The following MTUS2 variants were observed in gnomAD, a reference collection of about 807,000 sequenced individuals.
MTUS2 encodes the protein microtubule associated scaffold protein 2, also known as microtubule-associated tumor suppressor candidate 2.
In MTUS2, 40 loss-of-function variants were observed where a neutral mutation model predicts 114.1. The ratio of observed to expected loss-of-function variants is 0.35; its 90% CI spans 0.27 to 0.46. The LOEUF is 0.46. Ranked by LOEUF, MTUS2 falls within the 20% of genes least tolerant of loss-of-function variation. The pLI is 1.00. For synonymous variants in MTUS2, 688 were observed against 672.0 expected (o/e 1.02, Z -0.37); for missense variants, 1,679 against 1,705.4 (o/e 0.98, Z 0.27).
intron 8 of MTUS2, among the ~76,000 whole-genome samples, chr13:29,394,863 C>T (rs1280914027): frequency 6.6e-6 from 1 of 152,120 alleles, no homozygotes; most frequent in African/African-American, 2.4e-5. Context: ...TTGCGCCCTC[C>T]TTTATGGGAA....
chr13:29,505,143 T>C lies in MTUS2; in HGVS notation c.*1937T>C, dbSNP rs1212559603. The C allele has an allele frequency of 1.7e-5, 4 of 231,802 alleles. No homozygotes were observed. The highest frequency in any genetic ancestry group is 1.7e-5 in the Non-Finnish European group (2 of 116,976). The allele number at this position is 231,802 out of a possible 1,614,324, so 14.4% of individuals were successfully genotyped here. ...TTGGGCATTCCATTAGAGTAGATCT[T>C]GCCACATTGACTAAATACACAAGTA... On this transcript the variant is annotated 3_prime_UTR_variant, in exon 16 of 16. Transcript: ENST00000612955.
intron 6 of MTUS2, chr13:29,307,446 G>A: frequency 1.5e-6 from 2 of 1,320,604 alleles, no homozygotes; most frequent in Middle Eastern, 2.6e-4. Flanking sequence ...TCATCCCTGA[G>A]CTGAATGGGA....
chr13:29,290,968 C>T (rs1437237293), intron 6 of MTUS2, among the ~76,000 whole-genome samples: 4 of 152,174 alleles, frequency 2.6e-5, no homozygotes, highest in Non-Finnish European at 5.9e-5. Context: ...ACAATGAGTG[C>T]TCAGAAAGTA....
chr13:29,403,687 T>C (rs990630359), intron 8 of MTUS2, among the ~76,000 whole-genome samples: 1 of 152,216 alleles, frequency 6.6e-6, no homozygotes, highest in African/African-American at 2.4e-5. Flanking sequence ...CTGGCTCATA[T>C]TGAAACGTCG....
Position 29,396,203 on chromosome 13 carries a change from C to G in MTUS2, c.3117+36730C>G, listed in dbSNP as rs139549452. Among the ~76,000 whole-genome samples, 14 of 152,252 alleles carry G rather than the reference C, an allele frequency of 9.2e-5. No homozygotes were observed. In the East Asian group the frequency reaches 2.7e-3, roughly 29 times the overall value. ...ATCATCTTTATAATCATCTTCTAAT[C>G]CAAAAAGAAGGAGTGCCACCTCCCA... On this transcript the variant is annotated intron_variant, in intron 8 of 15. Coordinates refer to ENST00000612955, the MANE Select transcript of MTUS2 (RefSeq NM_001033602.4).
chr13:28,930,266 T>C (rs868407034), intron 2 of MTUS2, among the ~76,000 whole-genome samples: 19 of 152,378 alleles, frequency 1.2e-4, no homozygotes, highest in African/African-American at 3.8e-4. Flanking sequence ...AATGTGATTG[T>C]TCAGGCATAA....
At chr13:29,073,113 G>C (rs1889020131) in intron 4 of MTUS2, among the ~76,000 whole-genome samples, 1 of 152,014 alleles carries the variant, frequency 6.6e-6, no homozygotes, top group Non-Finnish European at 1.5e-5. Context: ...GAATGTCTGG[G>C]TTATATGCAG....
At chr13:29,048,349 A>G (rs1887732098) in intron 4 of MTUS2, among the ~76,000 whole-genome samples, 1 of 152,182 alleles carries the variant, frequency 6.6e-6, no homozygotes. Flanking sequence ...TTTCTTGGTC[A>G]GTTTCAATTG....
chr13:29,138,638 A>G (rs180808063), intron 5 of MTUS2, among the ~76,000 whole-genome samples: 1 of 151,758 alleles, frequency 6.6e-6, no homozygotes, highest in East Asian at 1.9e-4. Flanking sequence ...AAAATGTTCT[A>G]AACTATAGCG....
At chr13:29,472,527 AG>A (rs1185698060) in intron 9 of MTUS2, among the ~76,000 whole-genome samples, 1 of 152,152 alleles carries the variant, frequency 6.6e-6, no homozygotes, top group Admixed American at 6.5e-5. Flanking sequence ...ATTTGCCACC[AG>A]GGGGCATTTT....
At chr13:28,871,425 TCATAGTA>T in intron 2 of MTUS2, among the ~76,000 whole-genome samples, 1 of 152,146 alleles carries the variant, frequency 6.6e-6, no homozygotes, top group Non-Finnish European at 1.5e-5. Flanking sequence ...GAATAGGGGC[TCATAGTA>T]ATGAGCACTT....
chr13:29,256,407 C>T (rs1443429982), intron 5 of MTUS2, among the ~76,000 whole-genome samples: 2 of 152,154 alleles, frequency 1.3e-5, no homozygotes, highest in Non-Finnish European at 2.9e-5. Context: ...CCCTGTAAGA[C>T]GAGGTCTGTG....
chr13:28,873,149 G>A (rs1324743774), intron 2 of MTUS2, among the ~76,000 whole-genome samples: 1 of 152,192 alleles, frequency 6.6e-6, no homozygotes, highest in South Asian at 2.1e-4. Context: ...CTGAAAAGCT[G>A]TATTTCCCAC....
intron 6 of MTUS2, among the ~76,000 whole-genome samples, chr13:29,288,233 A>G (rs892747100): frequency 2.0e-5 from 3 of 152,230 alleles, no homozygotes; most frequent in African/African-American, 7.2e-5. Flanking sequence ...GGCTCTGGGA[A>G]TGGAGGCAAT....
chr13:28,969,859 C>A (rs563264160), intron 2 of MTUS2, among the ~76,000 whole-genome samples: 14 of 152,308 alleles, frequency 9.2e-5, no homozygotes, highest in African/African-American at 3.1e-4. Flanking sequence ...TAGCTCACTG[C>A]AACCTCTGCC....
chr13:29,293,454 G>A (rs1270529074), intron 6 of MTUS2, among the ~76,000 whole-genome samples: 1 of 152,056 alleles, frequency 6.6e-6, no homozygotes, highest in East Asian at 1.9e-4. Context: ...ATCCAGCGTT[G>A]GTAAGAATGT....
intron 2 of MTUS2, among the ~76,000 whole-genome samples, chr13:28,974,998 A>T (rs903779730): frequency 3.3e-5 from 5 of 152,242 alleles, no homozygotes; most frequent in Non-Finnish European, 7.3e-5. Context: ...CCTAGGGGAA[A>T]TGTAAGGATC....
chr13:28,995,586 T>C (rs1383286976), intron 2 of MTUS2, among the ~76,000 whole-genome samples: 1 of 152,096 alleles, frequency 6.6e-6, no homozygotes, highest in East Asian at 1.9e-4. Context: ...TGAGCAGTGG[T>C]TTGTAGTTCT....
At chr13:29,486,329 G>A (rs1007135722) in intron 10 of MTUS2, among the ~76,000 whole-genome samples, 2 of 152,220 alleles carry the variant, frequency 1.3e-5, no homozygotes, top group African/African-American at 4.8e-5. Context: ...ATAAGAGAGA[G>A]AAGTCAGGAT....
Sources: gnomAD v4.1 joint callset for allele counts (sites outside exome capture counted in the v4.1 genomes callset) on GRCh38, gnomAD v4.1.1 for gene constraint, MANE v1.5 for transcripts, NCBI Gene and HGNC (gene_info 2026-07-23, HGNC 2026-07-21) for gene names.